SOX6: variants seen among roughly 807,000 people sequenced by gnomAD.
SOX6 encodes transcription factor SOX-6.
In SOX6, 11 loss-of-function variants were observed where a neutral mutation model predicts 97.8. That is an observed-to-expected ratio of 0.11 (90% CI 0.07 to 0.19). The LOEUF (loss-of-function observed/expected upper bound fraction) is 0.19, where lower values mean the gene tolerates loss of function less well. Among genes scored for constraint, SOX6 ranks in the 10% least tolerant of loss-of-function variants. SOX6 has a pLI of 1.00. For missense variants in SOX6, 810 were observed against 1,039.5 expected (o/e 0.78, Z 3.04); for synonymous variants, 360 against 371.4 (o/e 0.97, Z 0.35).
intron 3 of SOX6, among the ~76,000 whole-genome samples, chr11:16,644,950 T>C (rs2134008257): frequency 6.6e-6 from 1 of 152,350 alleles, no homozygotes; most frequent in Admixed American, 6.5e-5. Flanking sequence ...CTAGAGACCA[T>C]TTTAATCCAA....
chr11:16,300,234 C>T lies in SOX6; in HGVS notation c.445+18212G>A, dbSNP rs1855218429. 6.6e-6 allele frequency among the ~76,000 whole-genome samples: 1 copy of T among 151,954 alleles called. No individual in the cohort carries two copies. Among genetic ancestry groups the T allele is most frequent in the African/African-American group, 2.4e-5 (1 of 41,366 alleles). ...TTCTCAGGCATGATAAGTTTCTAAA[C>T]CAAATACTGAGCTGAGCAGGGATTA... On this transcript the variant is annotated intron_variant, in intron 3 of 15. Transcript: ENST00000683767. This position sits in a 1 kb window ranked among gnomAD's most constrained non-coding sequence, Gnocchi z 4.1.
chr11:16,678,267 C>T (rs1235707228), intron 3 of SOX6, among the ~76,000 whole-genome samples: 1 of 152,072 alleles, frequency 6.6e-6, no homozygotes, highest in Admixed American at 6.5e-5. Flanking sequence ...TTCTTGTTCT[C>T]TAATGCAGGT....
At chr11:16,098,750 T>G (rs907023830) in intron 7 of SOX6, among the ~76,000 whole-genome samples, 1 of 151,878 alleles carries the variant, frequency 6.6e-6, no homozygotes, top group Non-Finnish European at 1.5e-5. Flanking sequence ...ATAATAATCA[T>G]GTTGTTTTGC....
chr11:16,657,634 T>G (rs1254247037), intron 3 of SOX6, among the ~76,000 whole-genome samples: 4 of 152,216 alleles, frequency 2.6e-5, no homozygotes, highest in Non-Finnish European at 5.9e-5. Context: ...GTGTTGCTGT[T>G]TGTTGAGGTG....
At chr11:16,410,856 G>A (rs1175533256) in intron 1 of SOX6, among the ~76,000 whole-genome samples, 4 of 150,726 alleles carry the variant, frequency 2.7e-5, no homozygotes, top group African/African-American at 7.3e-5. Flanking sequence ...GGAAGTGTAT[G>A]AGAGGTTTTA....
At chr11:16,225,912 C>A (rs571068119) in intron 4 of SOX6, among the ~76,000 whole-genome samples, 1 of 152,244 alleles carries the variant, frequency 6.6e-6, no homozygotes, top group African/African-American at 2.4e-5. Flanking sequence ...TATGCTTGTA[C>A]TATTTGATGT....
chr11:15,991,327 A>G (rs2119820475), intron 13 of SOX6, among the ~76,000 whole-genome samples: 1 of 152,326 alleles, frequency 6.6e-6, no homozygotes, highest in South Asian at 2.1e-4. Context: ...AATGTAGTGT[A>G]GCTTCCAGCT....
In SOX6 at chr11:15,970,010, A is replaced by G. The variant is rs1304554931; in HGVS notation, c.*2799T>C. The G allele has an allele frequency of 6.6e-6, 1 of 152,220 alleles. No individual in the cohort carries two copies. Among genetic ancestry groups the G allele is most frequent in the Non-Finnish European group, 1.5e-5 (1 of 68,038 alleles). The allele number at this position is 152,220 out of a possible 1,614,324, so 9.4% of individuals were successfully genotyped here. A position where few individuals can be genotyped will look rare whatever the true frequency, so the allele number is the denominator to read the frequency against. ...CTGAGGCAGAGCTGGAGCTAAAACA[A>G]AGTGTTCATACACACATGTATTTTG... On this transcript the variant is annotated 3_prime_UTR_variant, in exon 16 of 16. Coordinates refer to ENST00000683767, the MANE Select transcript of SOX6 (RefSeq NM_001367873.1).
chr11:16,491,043 T>C (rs972838765), intron 4 of SOX6, among the ~76,000 whole-genome samples: 21 of 152,038 alleles, frequency 1.4e-4, no homozygotes, highest in African/African-American at 4.3e-4. Flanking sequence ...ACAGTACAAT[T>C]AGACAAGAAA....
At chr11:16,102,983 A>G (rs960308098) in intron 7 of SOX6, among the ~76,000 whole-genome samples, 2 of 152,078 alleles carry the variant, frequency 1.3e-5, no homozygotes, top group East Asian at 3.9e-4. Flanking sequence ...ATTCATCACC[A>G]AGAACCCAAA....
chr11:16,099,277 T>A (rs868622925), intron 7 of SOX6, among the ~76,000 whole-genome samples: 3 of 151,922 alleles, frequency 2.0e-5, no homozygotes, highest in African/African-American at 7.2e-5. Context: ...TTATTTTTTA[T>A]AGTAAATGAC....
chr11:16,491,753 T>C (rs548392467), intron 4 of SOX6, among the ~76,000 whole-genome samples: 1 of 152,220 alleles, frequency 6.6e-6, no homozygotes, highest in African/African-American at 2.4e-5. Flanking sequence ...GAATAAAAAC[T>C]AAGCAGGTAT....
chr11:16,468,285 C>T (rs1386959136), intron 1 of SOX6, among the ~76,000 whole-genome samples: 1 of 152,140 alleles, frequency 6.6e-6, no homozygotes, highest in Non-Finnish European at 1.5e-5. Flanking sequence ...GAGCTGTTTG[C>T]ACTATATTAC....
intron 1 of SOX6, among the ~76,000 whole-genome samples, chr11:16,422,586 C>T (rs1859040474): frequency 6.6e-6 from 1 of 152,172 alleles, no homozygotes; most frequent in Non-Finnish European, 1.5e-5. Context: ...TTAATTCGCA[C>T]TCCCTTCACC....
chr11:16,358,011 G>A (rs900918244), upstream of SOX6, among the ~76,000 whole-genome samples: 30 of 152,264 alleles, frequency 2.0e-4, no homozygotes, highest in African/African-American at 7.2e-4. Context: ...AAGAAAGATC[G>A]TGGCTTTTGC....
chr11:16,146,571 C>A (rs1292196029), intron 6 of SOX6, among the ~76,000 whole-genome samples: 1 of 152,232 alleles, frequency 6.6e-6, no homozygotes, highest in South Asian at 2.1e-4. Flanking sequence ...AGGCAACCTA[C>A]AGAATGGGAG....
intron 1 of SOX6, among the ~76,000 whole-genome samples, chr11:16,736,715 C>T (rs529839923): frequency 2.6e-5 from 4 of 152,284 alleles, no homozygotes; most frequent in Admixed American, 1.3e-4. Flanking sequence ...AACTGCAAAA[C>T]TCTGTAACTT....
intron 4 of SOX6, among the ~76,000 whole-genome samples, chr11:16,205,653 T>TA (rs1385332349): frequency 6.6e-6 from 1 of 151,936 alleles, no homozygotes; most frequent in Non-Finnish European, 1.5e-5. Flanking sequence ...TTTGTTGGTA[T>TA]ATAGAAAATG....
chr11:16,460,507 T>C (rs1656184243), intron 1 of SOX6, among the ~76,000 whole-genome samples: 1 of 152,126 alleles, frequency 6.6e-6, no homozygotes, highest in African/African-American at 2.4e-5. Context: ...AAGGTCACTT[T>C]GACTTTATTC....
Sources: allele counts gnomAD v4.1 joint callset (sites outside exome capture counted in the v4.1 genomes callset), GRCh38; gene constraint gnomAD v4.1.1; non-coding constraint Gnocchi (gnomAD v3.1); transcripts MANE v1.5; gene names NCBI Gene and HGNC (gene_info 2026-07-23, HGNC 2026-07-21).